The following MAST3 variants were observed in gnomAD, a reference collection of about 807,000 sequenced individuals.
MAST3 encodes the protein microtubule associated serine/threonine kinase 3, also known as microtubule-associated serine/threonine-protein kinase 3.
Under a neutral mutation model 127.0 loss-of-function variants are expected in MAST3, and 43 were observed. The observed-to-expected ratio is 0.34, with a 90% CI of 0.27 to 0.44. The LOEUF is 0.44. Ranked by LOEUF, MAST3 falls within the 20% of genes least tolerant of loss-of-function variation. MAST3 has a pLI of 1.00. For synonymous variants in MAST3, 785 were observed against 809.2 expected (o/e 0.97, Z 0.51); for missense variants, 1,390 against 1,919.1 (o/e 0.72, Z 5.15).
chr19:18,098,840 A>G, intron 1 of MAST3: 1 of 456,128 alleles, frequency 2.2e-6, no homozygotes, highest in Non-Finnish European at 4.4e-6. Flanking sequence ...CTGCCCTCCT[A>G]GAAACCCCAA....
chr19:18,122,249 T>C (rs2040081027), intron 5 of MAST3: 1 of 469,852 alleles, frequency 2.1e-6, no homozygotes, highest in Non-Finnish European at 2.8e-6. Context: ...ACCTGTCATG[T>C]GCCAGACGCT....
In MAST3 at chr19:18,110,706, C is replaced by A; in HGVS notation, c.126C>A (p.Ser42Arg). The change falls in exon 3 of 28, where the codon AGC (serine) becomes AGA (arginine). Residue 42 changes from serine to arginine, a missense_variant. Around this residue, in one of 5 missense-constraint regions of MAST3, gnomAD observed 61 missense variants for 78.2 expected, o/e 0.78. Coordinates refer to ENST00000687212, the MANE Select transcript of MAST3 (RefSeq NM_001393504.1). The surrounding 1 kb of genome is among the most constrained non-coding windows in gnomAD (Gnocchi z 4.3). ...TGCTGGGTCCCAGCAGCCCCTGCAGCCCCTGTAGCCCCTCCTTGGGCCTGC... is the reference window on the plus strand; with the variant it reads ...TGCTGGGTCCCAGCAGCCCCTGCAGACCCTGTAGCCCCTCCTTGGGCCTGC... The part of the protein sequence containing the change: ...PSLLGPSSPC[S>R]PCSPSLGLHP... 2 of 985,932 alleles carry A rather than the reference C, an allele frequency of 2.0e-6. No individual in the cohort carries two copies. The highest frequency in any genetic ancestry group is 2.4e-6 in the Non-Finnish European group (2 of 830,030). The allele number at this position is 985,932 out of a possible 1,614,324, so 61.1% of individuals were successfully genotyped here.
At position 18,125,479 on chromosome 19, in the gene MAST3, C is replaced by T. The variant is rs574818538; in HGVS notation, c.1078+705C>T. Among the ~76,000 whole-genome samples, 188 of 152,110 alleles carry T rather than the reference C, an allele frequency of 1.2e-3. 2 individuals carry two copies. The highest frequency in any genetic ancestry group is 4.3e-3 in the African/African-American group (178 of 41,472). Reference sequence around the variant, plus strand: ...ACAGCCGGCCGGGTGCGGTGGCTCACGCCTGTAATCCCAGCACTTTTGGGA... The same window carrying T: ...ACAGCCGGCCGGGTGCGGTGGCTCATGCCTGTAATCCCAGCACTTTTGGGA... On this transcript the variant is annotated intron_variant, in intron 11 of 27. Coordinates refer to ENST00000687212, the MANE Select transcript of MAST3 (RefSeq NM_001393504.1).
rs201077167 is a variant in MAST3 at position 18,143,963 on chromosome 19, C to G, written c.2540C>G (p.Pro847Arg). Residue 847 changes from proline to arginine, a missense_variant, in exon 22 of 28, where the codon CCA (proline) becomes CGA (arginine). Transcript: ENST00000687212. The stretch of plus-strand genomic sequence containing the variant: ...TTCATTCTAGGGGAGCCTGACCCCC[C>G]ACCAGCGGCCACCCCAGTGATGCCC... ...PVFILGEPDPPPAATPVMPKP... is the reference protein window; with the variant it reads ...PVFILGEPDPRPAATPVMPKP... The G allele has an allele frequency of 2.7e-5, 43 of 1,593,848 alleles. No homozygotes were observed. In the East Asian group the frequency reaches 7.3e-4, roughly 27 times the overall value.
intron 2 of MAST3, among the ~76,000 whole-genome samples, chr19:18,108,820 G>A (rs1476882407): frequency 6.6e-6 from 1 of 152,184 alleles, no homozygotes; most frequent in East Asian, 1.9e-4. Context: ...CCCCATCTTT[G>A]GGAGCTGCTT....
chr19:18,113,426 G>A (rs1211518288), intron 3 of MAST3, among the ~76,000 whole-genome samples: 1 of 152,128 alleles, frequency 6.6e-6, no homozygotes, highest in East Asian at 1.9e-4. Flanking sequence ...TGGGATTACA[G>A]GCATGCACCA....
At chr19:18,106,675 G>A (rs1245289536) in intron 1 of MAST3, among the ~76,000 whole-genome samples, 4 of 151,618 alleles carry the variant, frequency 2.6e-5, no homozygotes, top group African/African-American at 7.3e-5. Context: ...GGGTTCAAGC[G>A]ATTCTCCTGC....
chr19:18,124,236 T>C, intron 9 of MAST3, 29 bp from the exon 10 acceptor site: 1 of 1,593,120 alleles, frequency 6.3e-7, no homozygotes, highest in Non-Finnish European at 8.6e-7. Context: ...TGAGGACCTG[T>C]GGGTGATGCC....
chr19:18,147,071 C>T, intron 26 of MAST3, 27 bp downstream of exon 26: 1 of 1,428,670 alleles, frequency 7.0e-7, no homozygotes, highest in South Asian at 1.4e-5. Context: ...GCCACGGGGA[C>T]TGGGGTTCTT....
At chr19:18,143,500 C>G (rs1331624630) in intron 21 of MAST3, among the ~76,000 whole-genome samples, 1 of 152,144 alleles carries the variant, frequency 6.6e-6, no homozygotes, top group Admixed American at 6.6e-5. Context: ...CACTTGAGCC[C>G]TGGAGGCAGT....
rs761200949 is a variant in MAST3, at chr19:18,124,328, A to T, written c.907A>T (p.Ile303Phe). The change falls in exon 10 of 28, where the codon ATC becomes TTC. Residue 303 changes from isoleucine to phenylalanine, a missense_variant. Coordinates refer to ENST00000687212, the MANE Select transcript of MAST3 (RefSeq NM_001393504.1). ...FIVQLVRKLL[I>F]IISRPARLLE... ...CGTCCAGCTTGTCCGGAAACTGCTG[A>T]TCATCATCTCACGGCCAGCTCGGCT... 1.4e-5 allele frequency: 23 copies of T among 1,609,674 alleles called. No homozygotes were observed. Among genetic ancestry groups the T allele is most frequent in the Admixed American group, 3.4e-5 (2 of 59,462 alleles).
intron 27 of MAST3, among the ~76,000 whole-genome samples, chr19:18,148,227 G>A (rs1361793610): frequency 6.6e-6 from 1 of 152,152 alleles, no homozygotes; most frequent in African/African-American, 2.4e-5. Flanking sequence ...CTTGAACCCA[G>A]GAGGTGGAGG....
chr19:18,106,966 A>ATTTTTTTTTTTTTTT (rs60298417), intron 1 of MAST3, among the ~76,000 whole-genome samples: 1 of 73,920 alleles, frequency 1.4e-5, no homozygotes, highest in Non-Finnish European at 2.4e-5. Context: ...ATGCCCAGCA[A>ATTTTTTTTTTTTTTT]TTTTTTTTTT....
chr19:18,146,584 G>T (rs2147849715), intron 25 of MAST3, among the ~76,000 whole-genome samples: 1 of 152,274 alleles, frequency 6.6e-6, no homozygotes, highest in South Asian at 2.1e-4. Flanking sequence ...AGATGTTGGG[G>T]TGATTAATGG....
Position 18,110,317 on chromosome 19 carries a change from G to T in MAST3, c.72-335G>T. 12 of 985,530 alleles carry T rather than the reference G, an allele frequency of 1.2e-5. No individual in the cohort carries two copies. Among genetic ancestry groups the T allele is most frequent in the Non-Finnish European group, 1.4e-5 (12 of 829,986 alleles). 61.0% of individuals were successfully genotyped at this position (985,530 alleles called of 1,614,324 possible). On this transcript the variant is annotated intron_variant, in intron 2 of 27. Coordinates refer to ENST00000687212, the MANE Select transcript of MAST3 (RefSeq NM_001393504.1). This position sits in a 1 kb window ranked among gnomAD's most constrained non-coding sequence, Gnocchi z 4.3. ...GCCGCACAGAGGCGGCCTCTGCCTC[G>T]GCATGAAGTCCCGCAGGGACAAGCT... is the stretch of plus-strand genomic sequence containing the variant.
intron 15 of MAST3, among the ~76,000 whole-genome samples, chr19:18,133,806 G>A (rs959266318): frequency 5.3e-5 from 8 of 151,842 alleles, no homozygotes; most frequent in Non-Finnish European, 1.0e-4. Context: ...TGCCGGCTTC[G>A]GCCTCCCAAA....
intron 1 of MAST3, among the ~76,000 whole-genome samples, chr19:18,101,367 T>TCC: frequency 2.8e-5 from 4 of 143,362 alleles, no homozygotes; most frequent in Admixed American, 7.4e-5. Context: ...CTCCTTCTCC[T>TCC]TCTCCTCCTC....
intron 12 of MAST3, among the ~76,000 whole-genome samples, 175 bp from the exon 13 acceptor site, chr19:18,128,691 G>T (rs1017890795): frequency 6.6e-6 from 1 of 152,196 alleles, no homozygotes; most frequent in African/African-American, 2.4e-5. Flanking sequence ...AATTTCCCAG[G>T]AGGAGGGCAC....
At chr19:18,137,182 G>A in intron 18 of MAST3, 57 bp from the exon 19 acceptor site, 1 of 1,588,508 alleles carries the variant, frequency 6.3e-7, no homozygotes. Context: ...GGGGTAGGGG[G>A]GCATCCTGTG....
Sources: allele counts gnomAD v4.1 joint callset (sites outside exome capture counted in the v4.1 genomes callset), GRCh38; gene constraint gnomAD v4.1.1; regional missense constraint gnomAD v4.1.1; non-coding constraint Gnocchi (gnomAD v3.1); transcripts MANE v1.5; gene names NCBI Gene and HGNC (gene_info 2026-07-23, HGNC 2026-07-21).